The following NPAS3 variants were observed in gnomAD, a reference collection of about 807,000 sequenced individuals.
NPAS3 encodes neuronal PAS domain protein 3.
Under a neutral mutation model 73.1 loss-of-function variants are expected in NPAS3, and 14 were observed. That is an observed-to-expected ratio of 0.19 (90% CI 0.13 to 0.30). The LOEUF (loss-of-function observed/expected upper bound fraction) is 0.30. NPAS3 is among the 10% of genes least tolerant of loss of function. The probability of loss-of-function intolerance (pLI) is 1.00; values close to 1 mark genes in which losing one functional copy is unlikely to be tolerated. For missense variants in NPAS3, 1,096 were observed against 1,250.0 expected (o/e 0.88, Z 1.86); for synonymous variants, 620 against 541.5 (o/e 1.14, Z -2.01).
chr14:33,127,367 G>T (rs918210879), intron 2 of NPAS3, among the ~76,000 whole-genome samples: 5 of 152,008 alleles, frequency 3.3e-5, no homozygotes, highest in African/African-American at 7.3e-5. Context: ...TGATTTTTCT[G>T]CATATATTGA....
At chr14:33,555,985 T>G (rs2055340814) in intron 4 of NPAS3, among the ~76,000 whole-genome samples, 1 of 152,128 alleles carries the variant, frequency 6.6e-6, no homozygotes, top group Non-Finnish European at 1.5e-5. Flanking sequence ...TGGCCGTTAT[T>G]TTTCATTGAA....
At chr14:33,520,064 G>T (rs1801481605) in intron 4 of NPAS3, among the ~76,000 whole-genome samples, 1 of 152,076 alleles carries the variant, frequency 6.6e-6, no homozygotes, top group South Asian at 2.1e-4. Context: ...TTAATTAGTT[G>T]TTGGATTGAT....
At chr14:33,345,236 C>G (rs2044671785) in intron 3 of NPAS3, among the ~76,000 whole-genome samples, 1 of 152,188 alleles carries the variant, frequency 6.6e-6, no homozygotes, top group African/African-American at 2.4e-5. Flanking sequence ...AACTTATCTT[C>G]TAAACTTAGC....
intron 6 of NPAS3, chr14:33,680,476 G>T (rs1316095376): frequency 4.6e-6 from 3 of 645,764 alleles, no homozygotes; most frequent in Non-Finnish European, 8.3e-6. Context: ...TGTGTATGTA[G>T]GTATGTATGT....
intron 6 of NPAS3, among the ~76,000 whole-genome samples, chr14:33,730,404 AC>A (rs773857955): frequency 6.6e-6 from 1 of 152,184 alleles, no homozygotes; most frequent in Non-Finnish European, 1.5e-5. Context: ...GCTTAATGCT[AC>A]AGTAAAAAAA....
intron 7 of NPAS3, among the ~76,000 whole-genome samples, chr14:33,749,445 G>A (rs1372575846): frequency 3.9e-5 from 6 of 152,156 alleles, no homozygotes; most frequent in Non-Finnish European, 8.8e-5. Context: ...TTGGGTAAAT[G>A]CTCTTCTGTG....
chr14:33,006,581 A>G (rs1480253597), intron 1 of NPAS3, among the ~76,000 whole-genome samples: 1 of 152,204 alleles, frequency 6.6e-6, no homozygotes, highest in Non-Finnish European at 1.5e-5. Flanking sequence ...TAAAAAGTTT[A>G]GAAAGTCTGC....
At chr14:33,122,875 A>G (rs1202500495) in intron 2 of NPAS3, among the ~76,000 whole-genome samples, 1 of 152,148 alleles carries the variant, frequency 6.6e-6, no homozygotes, top group Non-Finnish European at 1.5e-5. Context: ...GTAAGAGATC[A>G]ACTACAGATT....
At chr14:33,556,440 A>G (rs940361053) in intron 4 of NPAS3, among the ~76,000 whole-genome samples, 1 of 152,226 alleles carries the variant, frequency 6.6e-6, no homozygotes, top group Non-Finnish European at 1.5e-5. Flanking sequence ...AATAATTTCC[A>G]TCCTTACTAG....
At chr14:33,154,215 A>G (rs1186757178) in intron 2 of NPAS3, among the ~76,000 whole-genome samples, 2 of 152,182 alleles carry the variant, frequency 1.3e-5, no homozygotes, top group East Asian at 1.9e-4. Context: ...CAAGTCCCCA[A>G]TTCACTATAT....
At chr14:33,762,602 C>T (rs933826295) in intron 7 of NPAS3, among the ~76,000 whole-genome samples, 2 of 151,946 alleles carry the variant, frequency 1.3e-5, no homozygotes, top group South Asian at 4.2e-4. Flanking sequence ...AATGGAAATC[C>T]TGATAAAGAC....
At chr14:33,200,972 T>A (rs1268310761) in intron 2 of NPAS3, among the ~76,000 whole-genome samples, 1 of 152,150 alleles carries the variant, frequency 6.6e-6, no homozygotes, top group Non-Finnish European at 1.5e-5. Flanking sequence ...TTACTTTAAA[T>A]CCATTTACAA....
intron 3 of NPAS3, among the ~76,000 whole-genome samples, chr14:33,246,438 C>G (rs569192973): frequency 1.3e-5 from 2 of 149,378 alleles, no homozygotes; most frequent in Non-Finnish European, 3.0e-5. Context: ...ACTTGGGAGG[C>G]TGAGGCAGGA....
intron 4 of NPAS3, among the ~76,000 whole-genome samples, chr14:33,490,869 C>G (rs1318343729): frequency 6.6e-6 from 1 of 152,212 alleles, no homozygotes. Flanking sequence ...CACCACCAGG[C>G]CTGGCAGCCC....
intron 5 of NPAS3, among the ~76,000 whole-genome samples, chr14:33,670,104 G>T (rs1380824077): frequency 6.6e-6 from 1 of 152,112 alleles, no homozygotes; most frequent in African/African-American, 2.4e-5. Flanking sequence ...CGGAGTGATA[G>T]AAAAATGTAC....
chr14:33,105,831 A>G (rs2042707904), intron 2 of NPAS3, among the ~76,000 whole-genome samples: 1 of 152,186 alleles, frequency 6.6e-6, no homozygotes, highest in African/African-American at 2.4e-5. Flanking sequence ...TGGTAATGGC[A>G]TGGATAAGAT....
intron 4 of NPAS3, among the ~76,000 whole-genome samples, chr14:33,415,819 A>G (rs551485449): frequency 2.8e-4 from 42 of 152,204 alleles, no homozygotes; most frequent in East Asian, 2.5e-3. Flanking sequence ...TTTACATCCT[A>G]TTAGATACTG....
At chr14:33,112,710 CTTTTAGTG>C (rs2042937129) in intron 2 of NPAS3, among the ~76,000 whole-genome samples, 1 of 152,208 alleles carries the variant, frequency 6.6e-6, no homozygotes, top group African/African-American at 2.4e-5. Flanking sequence ...GTTGCCATTG[CTTTTAGTG>C]TTTTAGACAT....
At chr14:33,219,948 G>A (rs1233569940) in intron 3 of NPAS3, among the ~76,000 whole-genome samples, 1 of 152,124 alleles carries the variant, frequency 6.6e-6, no homozygotes, top group Non-Finnish European at 1.5e-5. Context: ...CCTGTGTGCT[G>A]ACATACATTT....
Sources: allele counts gnomAD v4.1 joint callset (sites outside exome capture counted in the v4.1 genomes callset), GRCh38; gene constraint gnomAD v4.1.1; transcripts MANE v1.5; gene names NCBI Gene and HGNC (gene_info 2026-07-23, HGNC 2026-07-21).